Variants in AAMDC observed in about 807,000 individuals in gnomAD.
AAMDC encodes the protein mth938 domain-containing protein.
A neutral mutation model predicts 15.5 loss-of-function variants in AAMDC; 16 were observed. That is an observed-to-expected ratio of 1.03 (90% CI 0.70 to 1.57). AAMDC has a LOEUF of 1.57. Among genes scored for constraint, AAMDC ranks in the 40% most tolerant of loss-of-function variants. The pLI is 0.00. For synonymous variants in AAMDC, 51 were observed against 51.6 expected (o/e 0.99, Z 0.05); for missense variants, 141 against 144.9 (o/e 0.97, Z 0.14).
chr11:77,849,773 C>T (rs1200974258), intron 2 of AAMDC, among the ~76,000 whole-genome samples: 1 of 152,138 alleles, frequency 6.6e-6, no homozygotes, highest in African/African-American at 2.4e-5. Context: ...TCTTTCTTTC[C>T]TCTGCACCTT....
chr11:77,863,781 C>G (rs1448554732), intron 2 of AAMDC, among the ~76,000 whole-genome samples: 1 of 152,096 alleles, frequency 6.6e-6, no homozygotes, highest in Non-Finnish European at 1.5e-5. Context: ...CCTCAAAGCA[C>G]TGAGATGACA....
intron 1 of AAMDC, among the ~76,000 whole-genome samples, chr11:77,834,954 G>T (rs142299779): frequency 1.3e-5 from 2 of 152,218 alleles, no homozygotes; most frequent in Non-Finnish European, 2.9e-5. Flanking sequence ...AGCTAAACCA[G>T]AGTAGTCCGA....
At chr11:77,897,505 A>T (rs967174042) in intron 5 of AAMDC, among the ~76,000 whole-genome samples, 6 of 150,610 alleles carry the variant, frequency 4.0e-5, no homozygotes, top group African/African-American at 1.5e-4. Flanking sequence ...TATTATTATT[A>T]TTATTTTTTT....
At chr11:77,869,912 A>G in intron 3 of AAMDC, 95 bp downstream of exon 3, 2 of 1,193,116 alleles carry the variant, frequency 1.7e-6, no homozygotes, top group African/African-American at 1.5e-5. Context: ...TCATCTTTAT[A>G]TATCATGTAC....
intron 1 of AAMDC, chr11:77,841,280 G>T: frequency 1.4e-6 from 1 of 701,858 alleles, no homozygotes; most frequent in South Asian, 1.5e-5. Flanking sequence ...GAGTTTGGAA[G>T]GGTGCAGACA....
In AAMDC at chr11:77,869,732, G is replaced by A; in HGVS notation, c.143G>A (p.Gly48Asp). 1 of 1,613,840 alleles carries A rather than the reference G, an allele frequency of 6.2e-7. No individual in the cohort carries two copies. The highest frequency in any genetic ancestry group is 8.5e-7 in the Non-Finnish European group (1 of 1,179,816). The change falls in exon 3 of 4, where the codon GGT (glycine) becomes GAT (aspartate). Residue 48 changes from glycine (G) to aspartate (D), a missense_variant. Gly to Asp is a moderately conservative substitution (Grantham distance 94, BLOSUM62 -1). Transcript: ENST00000393427. ...TCTTTCCACATCCAGCATTCTCCTG[G>A]TGTGCAGCCTGCAGATGTGAAGGAA... ...WRETGTEHSP[G>D]VQPADVKEVV...
At chr11:77,824,246 G>A (rs1419064303) in intron 1 of AAMDC, among the ~76,000 whole-genome samples, 2 of 152,190 alleles carry the variant, frequency 1.3e-5, no homozygotes, top group Admixed American at 6.5e-5. Flanking sequence ...AGTTATATAA[G>A]TGAGTTATAT....
chr11:77,852,419 A>G (rs1344307767), intron 2 of AAMDC, among the ~76,000 whole-genome samples: 1 of 151,920 alleles, frequency 6.6e-6, no homozygotes, highest in Non-Finnish European at 1.5e-5. Context: ...CATGTAAAAT[A>G]TTTACATGAT....
intron 5 of AAMDC, among the ~76,000 whole-genome samples, chr11:77,893,432 C>T (rs1952363359): frequency 1.3e-5 from 2 of 151,878 alleles, no homozygotes; most frequent in Non-Finnish European, 2.9e-5. Context: ...ACAGCAAGAC[C>T]CCATCTCTAA....
chr11:77,832,899 T>C (rs1350168246), intron 1 of AAMDC, among the ~76,000 whole-genome samples: 4 of 150,664 alleles, frequency 2.7e-5, no homozygotes, highest in African/African-American at 7.3e-5. Context: ...AGAGATGGTT[T>C]CAGGATGATT....
chr11:77,862,944 C>T (rs914416902), intron 2 of AAMDC, among the ~76,000 whole-genome samples: 5 of 152,108 alleles, frequency 3.3e-5, no homozygotes, highest in Non-Finnish European at 7.3e-5. Flanking sequence ...TTGGGGGGAA[C>T]GTTTCCCATT....
At chr11:77,874,055 G>A (rs1038543271), downstream of AAMDC, among the ~76,000 whole-genome samples, 1 of 152,184 alleles carries the variant, frequency 6.6e-6, no homozygotes, top group Non-Finnish European at 1.5e-5. Flanking sequence ...GAAACAGTAT[G>A]GAAAGTGAAG....
intron 5 of AAMDC, among the ~76,000 whole-genome samples, chr11:77,894,725 A>G (rs529787205): frequency 1.6e-4 from 24 of 152,240 alleles, no homozygotes; most frequent in Non-Finnish European, 3.2e-4. Flanking sequence ...CTCTATACCT[A>G]CCTGATTTAG....
intron 2 of AAMDC, chr11:77,866,450 A>AT (rs889151640): frequency 6.6e-6 from 1 of 151,964 alleles, no homozygotes; most frequent in African/African-American, 2.4e-5. Context: ...AATAGTCTCA[A>AT]GCTCCAATCC....
At chr11:77,865,267 AAAG>A (rs1951059368) in intron 2 of AAMDC, among the ~76,000 whole-genome samples, 1 of 152,236 alleles carries the variant, frequency 6.6e-6, no homozygotes, top group African/African-American at 2.4e-5. Flanking sequence ...TCAGTAGCAT[AAAG>A]AAGATAGAAG....
intron 2 of AAMDC, among the ~76,000 whole-genome samples, chr11:77,853,261 C>G (rs2136204406): frequency 6.6e-6 from 1 of 152,302 alleles, no homozygotes; most frequent in Non-Finnish European, 1.5e-5. Context: ...AAAGAACTAC[C>G]TGAGACTGGT....
At chr11:77,900,837 C>T (rs965172282), downstream of AAMDC, 82 of 559,866 alleles carry the variant, frequency 1.5e-4, no homozygotes, top group Middle Eastern at 4.7e-4. Context: ...GCTCTTATTA[C>T]GTATCAAGTA....
At chr11:77,855,445 A>G (rs1203158264) in intron 2 of AAMDC, 1 of 177,606 alleles carries the variant, frequency 5.6e-6, no homozygotes, top group South Asian at 1.1e-4. Context: ...TCAGCCTCCC[A>G]AGTAGCTGGG....
intron 2 of AAMDC, among the ~76,000 whole-genome samples, chr11:77,855,846 T>C (rs1263143905): frequency 6.7e-6 from 1 of 148,294 alleles, no homozygotes; most frequent in Non-Finnish European, 1.5e-5. Flanking sequence ...ATCCCTGTAA[T>C]CCCAGCACTT....
Sources: gnomAD v4.1 joint callset for allele counts (sites outside exome capture counted in the v4.1 genomes callset) on GRCh38, gnomAD v4.1.1 for gene constraint, MANE v1.5 for transcripts, NCBI Gene and HGNC (gene_info 2026-07-23, HGNC 2026-07-21) for gene names.